The following SLC16A1 variants were observed in gnomAD, a reference collection of about 807,000 sequenced individuals.
SLC16A1 encodes solute carrier family 16 member 1.
Under a neutral mutation model 32.2 loss-of-function variants are expected in SLC16A1, and 11 were observed. The observed-to-expected ratio is 0.34, with a 90% CI of 0.21 to 0.56. The LOEUF is 0.56. Among genes scored for constraint, SLC16A1 ranks in the 20% least tolerant of loss-of-function variants. The pLI, the probability that SLC16A1 is intolerant of heterozygous loss-of-function variation, is 0.87. For missense variants in SLC16A1, 435 were observed against 615.0 expected (o/e 0.71, Z 3.10); for synonymous variants, 231 against 226.8 (o/e 1.02, Z -0.17).
chr1:112,936,941 A>G (rs1649328594), intron 1 of SLC16A1, among the ~76,000 whole-genome samples: 1 of 152,232 alleles, frequency 6.6e-6, no homozygotes, highest in Non-Finnish European at 1.5e-5. Flanking sequence ...AAGGTTTCCT[A>G]AAATTTCTAC....
chr1:112,941,792 T>C (rs1178753838), intron 1 of SLC16A1, among the ~76,000 whole-genome samples: 1 of 152,188 alleles, frequency 6.6e-6, no homozygotes, highest in Admixed American at 6.5e-5. Context: ...CAAGTAAATA[T>C]AGCATGTGCT....
In SLC16A1 at chr1:112,913,022, T is replaced by C. The variant is rs955524221; in HGVS notation, c.*869A>G. On this transcript the variant is annotated 3_prime_UTR_variant, in exon 5 of 5. Coordinates refer to ENST00000369626, the MANE Select transcript of SLC16A1 (RefSeq NM_003051.4). ...ATATCTGTCTACATTTAATTAGATG[T>C]GTTGTATTTACCAAGGAGGCACAAA... The C allele has an allele frequency of 1.3e-5, 2 of 152,218 alleles. No homozygotes were observed. The highest frequency in any genetic ancestry group is 4.8e-5 in the African/African-American group (2 of 41,464). 9.4% of individuals were successfully genotyped at this position (152,218 alleles called of 1,614,324 possible).
intron 1 of SLC16A1, among the ~76,000 whole-genome samples, chr1:112,929,672 C>A (rs745961081): frequency 3.3e-5 from 5 of 151,976 alleles, no homozygotes; most frequent in Non-Finnish European, 7.4e-5. Flanking sequence ...ATAAGTAGAC[C>A]CCAACTTTAC....
At chr1:112,950,747 A>G (rs577587046) in intron 1 of SLC16A1, among the ~76,000 whole-genome samples, 1 of 152,346 alleles carries the variant, frequency 6.6e-6, no homozygotes, top group South Asian at 2.1e-4. Flanking sequence ...CTGTAATCCC[A>G]GCACTTTGGG....
At chr1:112,945,599 C>CAGA in intron 1 of SLC16A1, among the ~76,000 whole-genome samples, 1 of 150,346 alleles carries the variant, frequency 6.7e-6, no homozygotes. Flanking sequence ...CACTTGAACC[C>CAGA]GGGAGTCGGA....
intron 2 of SLC16A1, chr1:112,924,352 G>A (rs959066353): frequency 7.0e-6 from 9 of 1,283,008 alleles, no homozygotes; most frequent in African/African-American, 4.4e-5. Flanking sequence ...TAGGCCCATC[G>A]TTTCTCAGGT....
Position 112,917,027 on chromosome 1 carries a change from T to C in SLC16A1, c.1228+151A>G. 1.0e-6 allele frequency: 1 copy of C among 955,956 alleles called. No homozygotes were observed. The highest frequency in any genetic ancestry group is 1.4e-5 in the South Asian group (1 of 71,474). The allele number at this position is 955,956 out of a possible 1,614,324, so 59.2% of individuals were successfully genotyped here. A position where few individuals can be genotyped will look rare whatever the true frequency, so the allele number is the denominator to read the frequency against. ...AGATTCTATATTTGAGCAATTATGC[T>C]GTGCCAAGCATTGTCCCAGCATCAA... On this transcript the variant is annotated intron_variant, in intron 4 of 4. Transcript: ENST00000369626. This position sits in a 1 kb window ranked among gnomAD's most constrained non-coding sequence, Gnocchi z 4.1.
chr1:112,926,654 G>A (rs1182295834), intron 2 of SLC16A1, among the ~76,000 whole-genome samples: 2 of 152,208 alleles, frequency 1.3e-5, no homozygotes, highest in African/African-American at 4.8e-5. Context: ...TGGGCAGATT[G>A]TTTGAGCCTA....
chr1:112,917,809 C>A lies in SLC16A1; in HGVS notation c.597G>T (p.Gly199=), dbSNP rs1238071723. The change falls in exon 4 of 5, where the codon GGG becomes GGT. Residue 199 remains glycine, a synonymous_variant. Transcript: ENST00000369626. The surrounding 1 kb of genome is among the most constrained non-coding windows in gnomAD (Gnocchi z 4.1). ...CVAGALMRPI[G]PKPTKAGKDK... is the part of the protein sequence containing the mutation. The stretch of plus-strand genomic sequence containing the variant: ...CTTTCCCTGCCTTGGTTGGCTTGGG[C>A]CCGATTGGTCGCATGAGGGCTCCAG... 1.2e-6 allele frequency: 2 copies of A among 1,614,116 alleles called. No individual in the cohort carries two copies. Among genetic ancestry groups the A allele is most frequent in the East Asian group, 4.5e-5 (2 of 44,880 alleles).
intron 2 of SLC16A1, among the ~76,000 whole-genome samples, chr1:112,925,157 C>T (rs1648894836): frequency 6.6e-6 from 1 of 152,088 alleles, no homozygotes; most frequent in South Asian, 2.1e-4. Context: ...TTATAAGAAA[C>T]AAGAAAATAT....
At chr1:112,924,977 T>A (rs1648888095) in intron 2 of SLC16A1, among the ~76,000 whole-genome samples, 1 of 152,008 alleles carries the variant, frequency 6.6e-6, no homozygotes, top group Non-Finnish European at 1.5e-5. Flanking sequence ...TGAAAAAAAA[T>A]GCTTGCAGGA....
At position 112,918,044 on chromosome 1, in the gene SLC16A1, CCTGTGAAGACAATA is replaced by C; in HGVS notation, c.362-14_362-1del. The C allele has an allele frequency of 6.8e-7, 1 of 1,467,490 alleles. No homozygotes were observed. Among genetic ancestry groups the C allele is most frequent in the Non-Finnish European group, 9.0e-7 (1 of 1,112,642 alleles). 90.9% of individuals were successfully genotyped at this position (1,467,490 alleles called of 1,614,324 possible). ...ATTCAAGTTGAAGGCAAGCCCAAGACCTGTGAAGACAATAAATAAATAAATAAATAAATAAATAA... is the reference window on the plus strand; with the variant it reads ...ATTCAAGTTGAAGGCAAGCCCAAGACAATAAATAAATAAATAAATAAATAA... On this transcript the variant is annotated splice_acceptor_variant and splice_polypyrimidine_tract_variant and intron_variant, in intron 3 of 4. Transcript: ENST00000369626. LOFTEE classifies it high-confidence loss of function.
chr1:112,954,953 CTGGTGGTTGGG>C (rs1650022932), intron 1 of SLC16A1, among the ~76,000 whole-genome samples: 1 of 151,802 alleles, frequency 6.6e-6, no homozygotes. Context: ...CCTCACTGGG[CTGGTGGTTGGG>C]ATAAAAAAAT....
chr1:112,920,868 G>A lies in SLC16A1; in HGVS notation c.361+1122C>T, dbSNP rs180766920. On this transcript the variant is annotated intron_variant, in intron 3 of 4. Coordinates refer to ENST00000369626, the MANE Select transcript of SLC16A1 (RefSeq NM_003051.4). Reference sequence around the variant, plus strand: ...AATTCAACATCAGAAGGCCGGGCAAGGTGATTCACGCCTGTAATCCCAGCA... The same window carrying A: ...AATTCAACATCAGAAGGCCGGGCAAAGTGATTCACGCCTGTAATCCCAGCA... Among the ~76,000 whole-genome samples the A allele has an allele frequency of 8.2e-4, 124 of 151,744 alleles. No homozygotes were observed. In the Middle Eastern group the frequency reaches 0.017, roughly 21 times the overall value.
In SLC16A1 at chr1:112,913,526, AAC is replaced by A. The variant is rs558340194; in HGVS notation, c.*363_*364del. 25 of 203,304 alleles carry A rather than the reference AAC, an allele frequency of 1.2e-4. No individual in the cohort carries two copies. In the East Asian group the frequency reaches 2.9e-3, roughly 24 times the overall value. The allele number at this position is 203,304 out of a possible 1,614,324, so 12.6% of individuals were successfully genotyped here. A position where few individuals can be genotyped will look rare whatever the true frequency, so the allele number is the denominator to read the frequency against. On this transcript the variant is annotated 3_prime_UTR_variant, in exon 5 of 5. Coordinates refer to ENST00000369626, the MANE Select transcript of SLC16A1 (RefSeq NM_003051.4). Reference sequence around the variant, plus strand: ...CAAGTTAGTTGTTATTTTTCCTTTTAACACAACACTCGAAATAGATGAATTCA... The same window carrying A: ...CAAGTTAGTTGTTATTTTTCCTTTTAACAACACTCGAAATAGATGAATTCA...
At chr1:112,954,771 TTC>T (rs2101657238) in intron 1 of SLC16A1, among the ~76,000 whole-genome samples, 1 of 152,304 alleles carries the variant, frequency 6.6e-6, no homozygotes, top group East Asian at 1.9e-4. Flanking sequence ...TATATTCAAC[TTC>T]TGTGTAAATA....
At chr1:112,915,599 A>T (rs1322922352) in intron 4 of SLC16A1, among the ~76,000 whole-genome samples, 1 of 152,212 alleles carries the variant, frequency 6.6e-6, no homozygotes, top group African/African-American at 2.4e-5. Context: ...AGACTGAAGA[A>T]CAGCTAGAAC....
chr1:112,919,104 C>T (rs2101623249), intron 3 of SLC16A1, among the ~76,000 whole-genome samples: 1 of 151,906 alleles, frequency 6.6e-6, no homozygotes, highest in Middle Eastern at 3.4e-3. Context: ...GATCTCGGCT[C>T]ACTGCAACCT....
At chr1:112,945,294 C>G (rs1207004752) in intron 1 of SLC16A1, among the ~76,000 whole-genome samples, 1 of 152,006 alleles carries the variant, frequency 6.6e-6, no homozygotes, top group African/African-American at 2.4e-5. Flanking sequence ...TGTGCCTGGC[C>G]GGAAACATTT....
Sources: allele counts gnomAD v4.1 joint callset (sites outside exome capture counted in the v4.1 genomes callset), GRCh38; gene constraint gnomAD v4.1.1; non-coding constraint Gnocchi (gnomAD v3.1); transcripts MANE v1.5; gene names NCBI Gene and HGNC (gene_info 2026-07-23, HGNC 2026-07-21).